CIITA: variants seen among roughly 807,000 people sequenced by gnomAD.
CIITA encodes class II major histocompatibility complex transactivator, also known as MHC class II transactivator.
A neutral mutation model predicts 115.1 loss-of-function variants in CIITA; 72 were observed. That is an observed-to-expected ratio of 0.63 (90% CI 0.52 to 0.76). The LOEUF (loss-of-function observed/expected upper bound fraction) is 0.76. Among genes scored for constraint, CIITA ranks in the 30% least tolerant of loss-of-function variants. The probability of loss-of-function intolerance (pLI) is 0.00; values close to 1 mark genes in which losing one functional copy is unlikely to be tolerated. For missense variants in CIITA, 1,617 were observed against 1,463.8 expected (o/e 1.10, Z -1.71); for synonymous variants, 763 against 635.6 (o/e 1.20, Z -3.02).
intron 1 of CIITA, among the ~76,000 whole-genome samples, chr16:10,885,278 A>G (rs555172793): frequency 7.2e-5 from 11 of 152,238 alleles, no homozygotes; most frequent in African/African-American, 2.4e-4. Context: ...CAATAGCAAT[A>G]TCTCCAGACC....
chr16:10,921,938 G>A (rs959135882), intron 16 of CIITA, among the ~76,000 whole-genome samples: 2 of 152,238 alleles, frequency 1.3e-5, no homozygotes, highest in African/African-American at 4.8e-5. Flanking sequence ...CTTTGAGCAA[G>A]TCACTTATTC....
At chr16:10,884,511 C>G (rs2036742674) in intron 1 of CIITA, among the ~76,000 whole-genome samples, 1 of 152,184 alleles carries the variant, frequency 6.6e-6, no homozygotes, top group African/African-American at 2.4e-5. Flanking sequence ...AGCTCCTGAG[C>G]TCAAGCCATC....
rs4781016 is a variant in CIITA, at chr16:10,902,542, C to A, written c.629-116C>A. ...CAGGGCAGGACAGAAACAGCTACTGCTCTTAGGGAAATTAGGGCCCTTTAG... is the reference window on the plus strand; with the variant it reads ...CAGGGCAGGACAGAAACAGCTACTGATCTTAGGGAAATTAGGGCCCTTTAG... On this transcript the variant is annotated intron_variant, in intron 7 of 19. Transcript: ENST00000324288. 0.28 allele frequency: 361,474 copies of A among 1,299,786 alleles called. 52,704 individuals carry two copies. Among genetic ancestry groups the A allele is most frequent in the Admixed American group, 0.45 (23,937 of 53,306 alleles). The allele number at this position is 1,299,786 out of a possible 1,614,324, so 80.5% of individuals were successfully genotyped here.
chr16:10,940,301 CT>C (rs1393325463), downstream of CIITA: 2 of 152,210 alleles, frequency 1.3e-5, no homozygotes, highest in Admixed American at 6.5e-5. This position sits in a 1 kb window ranked among gnomAD's most constrained non-coding sequence, Gnocchi z 4.2. Context: ...GATTAATGCC[CT>C]TATAAGAACA....
In CIITA at chr16:10,910,224, C is replaced by T. The variant is rs915518910; in HGVS notation, c.2853C>T (p.Leu951=). 1.2e-6 allele frequency: 2 copies of T among 1,613,924 alleles called. No homozygotes were observed. Among genetic ancestry groups the T allele is most frequent in the African/African-American group, 1.3e-5 (1 of 74,912 alleles). The change falls in exon 13 of 20, where the codon CTC becomes CTT. Residue 951 remains leucine, a synonymous_variant. Coordinates refer to ENST00000324288, the MANE Select transcript of CIITA (RefSeq NM_000246.4). Reference sequence around the variant, plus strand: ...CCTCGGAAGACACAGCTGGGGAGCTCCCTGCTGTTCGGGACCTAAAGAAAC... The same window carrying T: ...CCTCGGAAGACACAGCTGGGGAGCTTCCTGCTGTTCGGGACCTAAAGAAAC... The part of the protein sequence containing the change: ...RSSSEDTAGE[L]PAVRDLKKLE...
chr16:10,873,684 A>T (rs1286916939), upstream of CIITA, among the ~76,000 whole-genome samples: 2 of 152,134 alleles, frequency 1.3e-5, no homozygotes, highest in African/African-American at 4.8e-5. Context: ...ACTGTTCTTT[A>T]CTTGGAAGAC....
intron 13 of CIITA, among the ~76,000 whole-genome samples, chr16:10,910,594 C>T (rs1289119225): frequency 2.0e-5 from 3 of 152,124 alleles, no homozygotes; most frequent in Non-Finnish European, 4.4e-5. Flanking sequence ...GGGGGACTTC[C>T]TGGAGGAGGT....
intron 11 of CIITA, 152 bp from the exon 12 acceptor site, chr16:10,908,877 C>A: frequency 1.9e-6 from 2 of 1,025,902 alleles, no homozygotes; most frequent in Non-Finnish European, 3.0e-6. Context: ...TCAATAAAGG[C>A]TGGAGTGGTC....
chr16:10,878,323 C>A (rs1022003065), intron 1 of CIITA, among the ~76,000 whole-genome samples: 4 of 152,196 alleles, frequency 2.6e-5, no homozygotes, highest in Non-Finnish European at 5.9e-5. Flanking sequence ...TCAGAGGTAA[C>A]CTTGCCCCCT....
chr16:10,906,444 G>T lies in CIITA; in HGVS notation c.1007-55G>T, dbSNP rs975820291. On this transcript the variant is annotated intron_variant, in intron 10 of 19. Transcript: ENST00000324288. ...GGCAGTGCTGGCCTTGTGGTGGCTGGCCCTGGCCCTGCCTCTCACATACCC... is the reference window on the plus strand; with the variant it reads ...GGCAGTGCTGGCCTTGTGGTGGCTGTCCCTGGCCCTGCCTCTCACATACCC... The T allele has an allele frequency of 4.4e-6, 7 of 1,587,824 alleles. No homozygotes were observed. The Admixed American group carries it at 1.2e-4, about 27-fold the overall frequency.
intron 1 of CIITA, among the ~76,000 whole-genome samples, chr16:10,881,264 C>T (rs546780905): frequency 6.6e-5 from 10 of 151,072 alleles, no homozygotes; most frequent in Non-Finnish European, 1.2e-4. Flanking sequence ...CACCACTGCA[C>T]GCCAGCCTGG....
At position 10,916,329 on chromosome 16, in the gene CIITA, G is replaced by T. The variant is rs187323465; in HGVS notation, c.2970-38G>T. On this transcript the variant is annotated intron_variant, in intron 14 of 19. Transcript: ENST00000324288. ...GATGGGAAGGGTCAGATGGCCCCAG[G>T]ACGCTAGCTGATGGCCCCCATCTGA... 1.9e-6 allele frequency: 3 copies of T among 1,600,768 alleles called. No individual in the cohort carries two copies. In the East Asian group the frequency reaches 6.7e-5, roughly 36 times the overall value.
chr16:10,899,599 T>A (rs951399520), intron 5 of CIITA, among the ~76,000 whole-genome samples: 4 of 152,238 alleles, frequency 2.6e-5, no homozygotes, highest in African/African-American at 9.6e-5. Flanking sequence ...CCCCAGCATC[T>A]AGTGCAGTGC....
rs73499464 is a variant in CIITA, at chr16:10,880,958, A to C, written c.52+3576A>C. ...CATGCATTGGGAATAATTATTATAG[A>C]TCCTAAAGGGATTGTTTAGAAAGAT... On this transcript the variant is annotated intron_variant, in intron 1 of 19. Coordinates refer to ENST00000324288, the MANE Select transcript of CIITA (RefSeq NM_000246.4). 3.0e-3 allele frequency among the ~76,000 whole-genome samples: 461 copies of C among 152,312 alleles called. 4 individuals are homozygous for C. Among genetic ancestry groups the C allele is most frequent in the African/African-American group, 0.01 (418 of 41,560 alleles).
intron 14 of CIITA, 22 bp downstream of exon 14, chr16:10,915,672 C>G (rs778280095): frequency 1.3e-6 from 2 of 1,599,084 alleles, no homozygotes; most frequent in South Asian, 2.2e-5. Flanking sequence ...CTCTGGGACC[C>G]CTTCCTCTCA....
chr16:10,937,560 G>T (rs1039048371), downstream of CIITA: 1 of 152,238 alleles, frequency 6.6e-6, no homozygotes, highest in East Asian at 1.9e-4. The surrounding 1 kb of genome is among the most constrained non-coding windows in gnomAD (Gnocchi z 4.2). Flanking sequence ...AGCTGCACCA[G>T]GACAAGCTGA....
At chr16:10,881,643 A>C (rs571589710) in intron 1 of CIITA, among the ~76,000 whole-genome samples, 1 of 152,236 alleles carries the variant, frequency 6.6e-6, no homozygotes, top group Non-Finnish European at 1.5e-5. Flanking sequence ...CATGGAAAAA[A>C]AAGTTTTCTT....
At chr16:10,897,136 C>T (rs1444083155) in intron 3 of CIITA, among the ~76,000 whole-genome samples, 1 of 152,210 alleles carries the variant, frequency 6.6e-6, no homozygotes, top group Non-Finnish European at 1.5e-5. Context: ...CTTAAAACAA[C>T]ATACCTGACA....
At chr16:10,903,953 G>C (rs1343740148) in intron 9 of CIITA, 58 bp downstream of exon 9, 1 of 1,609,486 alleles carries the variant, frequency 6.2e-7, no homozygotes, top group African/African-American at 1.3e-5. Context: ...CCCTGGGGAA[G>C]GAATTGTCTC....
Sources: allele counts gnomAD v4.1 joint callset (sites outside exome capture counted in the v4.1 genomes callset), GRCh38; gene constraint gnomAD v4.1.1; non-coding constraint Gnocchi (gnomAD v3.1); transcripts MANE v1.5; gene names NCBI Gene and HGNC (gene_info 2026-07-23, HGNC 2026-07-21).